The following TP53BP1 variants were observed in gnomAD, a reference collection of about 807,000 sequenced individuals.
The protein encoded by TP53BP1 is TP53-binding protein 1.
A neutral mutation model predicts 200.8 loss-of-function variants in TP53BP1; 61 were observed. The observed-to-expected ratio is 0.30, with a 90% CI of 0.25 to 0.38. The LOEUF (loss-of-function observed/expected upper bound fraction) is 0.38, where lower values mean the gene tolerates loss of function less well. Ranked by LOEUF, TP53BP1 falls within the 10% of genes least tolerant of loss-of-function variation. The probability of loss-of-function intolerance (pLI) is 1.00; values close to 1 mark genes in which losing one functional copy is unlikely to be tolerated. For missense variants in TP53BP1, 2,144 were observed against 2,371.9 expected (o/e 0.90, Z 2.00); for synonymous variants, 822 against 844.3 (o/e 0.97, Z 0.46).
intron 10 of TP53BP1, among the ~76,000 whole-genome samples, chr15:43,473,267 C>T (rs1319906344): frequency 1.3e-5 from 2 of 152,198 alleles, no homozygotes; most frequent in African/African-American, 2.4e-5. Flanking sequence ...CGGGTTGCCA[C>T]TGCTGGCTCG....
At chr15:43,457,434 G>C (rs1392440289) in intron 11 of TP53BP1, among the ~76,000 whole-genome samples, 1 of 151,996 alleles carries the variant, frequency 6.6e-6, no homozygotes, top group Non-Finnish European at 1.5e-5. Context: ...CTCACAAAGT[G>C]GGGATACGTA....
chr15:43,477,770 C>T lies in TP53BP1; in HGVS notation c.789-11G>A. 6.6e-7 allele frequency: 1 copy of T among 1,517,450 alleles called. No homozygotes were observed. Among genetic ancestry groups the T allele is most frequent in the South Asian group, 1.3e-5 (1 of 75,072 alleles). The allele number at this position is 1,517,450 out of a possible 1,614,324, so 94.0% of individuals were successfully genotyped here. On this transcript the variant is annotated splice_polypyrimidine_tract_variant and intron_variant, in intron 7 of 27. Coordinates refer to ENST00000382044, the MANE Select transcript of TP53BP1 (RefSeq NM_001141980.3). ...GGCATGTCCTCTGACCTAGGAAATTCATATCACCAGGAGAAAAAGTTCCTA... is the reference window on the plus strand; with the variant it reads ...GGCATGTCCTCTGACCTAGGAAATTTATATCACCAGGAGAAAAAGTTCCTA...
Position 43,404,137 on chromosome 15 carries a change from G to T in TP53BP1, c.*3246C>A. 2.0e-6 allele frequency: 1 copy of T among 512,440 alleles called. No individual in the cohort carries two copies. The highest frequency in any genetic ancestry group is 3.0e-5 in the South Asian group (1 of 33,582). 31.7% of individuals were successfully genotyped at this position (512,440 alleles called of 1,614,324 possible). Reference sequence around the variant, plus strand: ...TAATTATCTGCTTGTAATCAAAACGGGTTCTCCCCAACCCCAGTACTTGAC... The same window carrying T: ...TAATTATCTGCTTGTAATCAAAACGTGTTCTCCCCAACCCCAGTACTTGAC... On this transcript the variant is annotated 3_prime_UTR_variant, in exon 28 of 28. Coordinates refer to ENST00000382044, the MANE Select transcript of TP53BP1 (RefSeq NM_001141980.3).
At chr15:43,490,338 T>C (rs1356756417) in intron 4 of TP53BP1, among the ~76,000 whole-genome samples, 1 of 151,750 alleles carries the variant, frequency 6.6e-6, no homozygotes, top group Non-Finnish European at 1.5e-5. Flanking sequence ...TCCGCCCACC[T>C]CAGCCTCCCG....
chr15:43,453,055 G>A (rs1479946668), intron 12 of TP53BP1, among the ~76,000 whole-genome samples: 3 of 151,948 alleles, frequency 2.0e-5, no homozygotes, highest in African/African-American at 7.3e-5. Context: ...TTAGCCGGAC[G>A]TGGTGGTGGG....
chr15:43,429,146 G>A (rs2045617392), intron 17 of TP53BP1, among the ~76,000 whole-genome samples: 3 of 152,028 alleles, frequency 2.0e-5, no homozygotes, highest in African/African-American at 7.2e-5. Context: ...CAGACAGCCC[G>A]AGTTCATATT....
At chr15:43,459,471 CCAA>C in intron 11 of TP53BP1, among the ~76,000 whole-genome samples, 1 of 152,050 alleles carries the variant, frequency 6.6e-6, no homozygotes, top group Non-Finnish European at 1.5e-5. Context: ...AAAACTAGAA[CCAA>C]ATGTCCTATC....
rs550520349 is a variant in TP53BP1, at chr15:43,426,524, T to C, written c.3828+1492A>G. ...CAATGAAATCTGAATAATCTGTGGA[T>C]AGTAAAACAAACAACAATTCCTCAA... On this transcript the variant is annotated intron_variant, in intron 18 of 27. Transcript: ENST00000382044. Among the ~76,000 whole-genome samples the C allele has an allele frequency of 4.0e-5, 6 of 150,180 alleles. No individual in the cohort carries two copies. The South Asian group carries it at 1.1e-3, about 26-fold the overall frequency.
intron 4 of TP53BP1, among the ~76,000 whole-genome samples, chr15:43,483,448 A>G (rs2079003012): frequency 6.6e-6 from 1 of 152,188 alleles, no homozygotes; most frequent in Admixed American, 6.5e-5. Context: ...TCAAATGAAC[A>G]AAAAAAGAGA....
rs868433505 is a variant in TP53BP1 at position 43,492,005 on chromosome 15, C to T, written c.283G>A (p.Ala95Thr). The change falls in exon 3 of 28, where the codon GCA (alanine) becomes ACA (threonine). Residue 95 changes from alanine to threonine, a missense_variant. Physicochemically the swap from Ala to Thr is moderately conservative, Grantham distance 58. Coordinates refer to ENST00000382044, the MANE Select transcript of TP53BP1 (RefSeq NM_001141980.3). ...CAGATAGCTTTAAACACCTCACCTG[C>T]AACCTTGTTTTCTTTCAAATGTTCA... Reference protein sequence around the residue: ...FNEHLKENKVADPVDSSNLDT... With the variant: ...FNEHLKENKVTDPVDSSNLDT... 5 of 1,612,692 alleles carry T rather than the reference C, an allele frequency of 3.1e-6. No individual in the cohort carries two copies. In the East Asian group the frequency reaches 1.1e-4, roughly 36 times the overall value.
intron 9 of TP53BP1, among the ~76,000 whole-genome samples, chr15:43,475,031 A>G (rs566031784): frequency 6.6e-6 from 1 of 152,364 alleles, no homozygotes; most frequent in African/African-American, 2.4e-5. Context: ...ACACAAGGAC[A>G]TCATGATTTA....
rs1643993247 is a variant in TP53BP1 at position 43,456,092 on chromosome 15, G to A, written c.2516C>T (p.Ser839Phe). Residue 839 changes from serine to phenylalanine, a missense_variant, in exon 12 of 28, where the codon TCC becomes TTC. This residue lies in a region of TP53BP1 where 1,700 missense variants were observed against 1,710.3 expected (regional missense o/e 0.99). Transcript: ENST00000382044. Reference sequence around the variant, plus strand: ...ATCATCTGCTCTCACTAAAGGTAAGGAAGGCTGTGAAGAATCTTGCTCTAC... The same window carrying A: ...ATCATCTGCTCTCACTAAAGGTAAGAAAGGCTGTGAAGAATCTTGCTCTAC... ...EPVEQDSSQP[S>F]LPLVRADDPL... The A allele has an allele frequency of 1.2e-6, 2 of 1,614,224 alleles. No individual in the cohort carries two copies. The highest frequency in any genetic ancestry group is 1.7e-6 in the Non-Finnish European group (2 of 1,180,042).
chr15:43,414,746 C>T (rs1242410444), intron 23 of TP53BP1, among the ~76,000 whole-genome samples: 1 of 151,786 alleles, frequency 6.6e-6, no homozygotes, highest in Admixed American at 6.6e-5. Context: ...CACTCTGTCA[C>T]CCAGGATGGA....
intron 8 of TP53BP1, among the ~76,000 whole-genome samples, chr15:43,476,138 G>A (rs758276671): frequency 1.2e-4 from 18 of 152,210 alleles, no homozygotes; most frequent in South Asian, 6.2e-4. Flanking sequence ...GGTGGTATGC[G>A]CCTGTAATCC....
At chr15:43,480,174 C>T (rs897629443) in intron 5 of TP53BP1, among the ~76,000 whole-genome samples, 157 bp from the exon 6 acceptor site, 3 of 152,210 alleles carry the variant, frequency 2.0e-5, no homozygotes, top group African/African-American at 4.8e-5. Flanking sequence ...TGTGGCCGAG[C>T]ACGGTGGCTC....
intron 4 of TP53BP1, among the ~76,000 whole-genome samples, chr15:43,488,457 A>G (rs1195036453): frequency 6.6e-6 from 1 of 152,246 alleles, no homozygotes; most frequent in Non-Finnish European, 1.5e-5. Context: ...GGGCAACAAT[A>G]AACATCCTTG....
intron 10 of TP53BP1, among the ~76,000 whole-genome samples, chr15:43,471,282 T>G (rs537497958): frequency 1.8e-4 from 27 of 152,308 alleles, no homozygotes; most frequent in African/African-American, 6.5e-4. Context: ...AAAACTACTT[T>G]ATGCATTGAA....
intron 10 of TP53BP1, among the ~76,000 whole-genome samples, chr15:43,470,596 G>C (rs2046701548): frequency 6.6e-6 from 1 of 152,152 alleles, no homozygotes; most frequent in African/African-American, 2.4e-5. Context: ...ATCTATCAAT[G>C]CCAATCAGCA....
rs2044774251 is a variant in TP53BP1, at chr15:43,404,118, T to C, written c.*3265A>G. On this transcript the variant is annotated 3_prime_UTR_variant, in exon 28 of 28. Coordinates refer to ENST00000382044, the MANE Select transcript of TP53BP1 (RefSeq NM_001141980.3). ...AACCCCCATCTCACTGAGATAATTA[T>C]CTGCTTGTAATCAAAACGGGTTCTC... The C allele has an allele frequency of 3.9e-6, 2 of 514,062 alleles. No homozygotes were observed. The highest frequency in any genetic ancestry group is 6.9e-6 in the Non-Finnish European group (2 of 288,500). 31.8% of individuals were successfully genotyped at this position (514,062 alleles called of 1,614,324 possible).
Sources: gnomAD v4.1 joint callset for allele counts (sites outside exome capture counted in the v4.1 genomes callset) on GRCh38, gnomAD v4.1.1 for gene constraint, gnomAD v4.1.1 regional missense constraint, MANE v1.5 for transcripts, NCBI Gene and HGNC (gene_info 2026-07-23, HGNC 2026-07-21) for gene names.